Variants in MDN1 observed in about 807,000 individuals in gnomAD.
MDN1 encodes midasin.
Under a neutral mutation model 669.2 loss-of-function variants are expected in MDN1, and 266 were observed. That is an observed-to-expected ratio of 0.40 (90% CI 0.36 to 0.44). The LOEUF (loss-of-function observed/expected upper bound fraction) is 0.44. MDN1 is among the 20% of genes least tolerant of loss of function. The pLI, the probability that MDN1 is intolerant of heterozygous loss-of-function variation, is 1.00. For missense variants in MDN1, 5,940 were observed against 6,754.0 expected (o/e 0.88, Z 4.22); for synonymous variants, 2,385 against 2,457.1 (o/e 0.97, Z 0.87).
intron 59 of MDN1, among the ~76,000 whole-genome samples, chr6:89,696,922 G>T (rs1013807430): frequency 6.6e-6 from 1 of 152,120 alleles, no homozygotes; most frequent in South Asian, 2.1e-4. Context: ...AAGAGCCAGG[G>T]ACAAAATATG....
At chr6:89,772,766 C>T in intron 13 of MDN1, 45 bp from the exon 14 acceptor site, 1 of 1,596,324 alleles carries the variant, frequency 6.3e-7, no homozygotes, top group Non-Finnish European at 8.5e-7. Context: ...CTGCAAGCTT[C>T]TCCTAGTTTT....
In MDN1 at chr6:89,668,075, C is replaced by A; in HGVS notation, c.14033G>T (p.Gly4678Val). 1.2e-6 allele frequency: 2 copies of A among 1,614,138 alleles called. No homozygotes were observed. The highest frequency in any genetic ancestry group is 1.7e-5 in the Admixed American group (1 of 60,012). The change falls in exon 84 of 102, where the codon GGT becomes GTT. Residue 4678 changes from glycine (G) to valine (V), a missense_variant. By Grantham distance (109) the Gly-to-Val change is moderately radical. Transcript: ENST00000369393. The part of the protein sequence containing the change: ...GATEFHDYEG[G>V]GIGEGEGMKD... The stretch of plus-strand genomic sequence containing the variant: ...CATGCCCTCGCCTTCTCCAATTCCA[C>A]CTCCCTCATAGTCATGGAACTCAGT...
chr6:89,665,457 C>T (rs1458215149), intron 84 of MDN1, among the ~76,000 whole-genome samples: 1 of 152,032 alleles, frequency 6.6e-6, no homozygotes, highest in Non-Finnish European at 1.5e-5. Context: ...GCCTGTAATC[C>T]CAGCACTTTG....
At position 89,725,361 on chromosome 6, in the gene MDN1, G is replaced by A. The variant is rs1438933319; in HGVS notation, c.5508C>T (p.Leu1836=). The change falls in exon 38 of 102, where the codon CTC becomes CTT. Residue 1836 remains leucine (L), a synonymous_variant. Transcript: ENST00000369393. ...NLASQSVLEG[L]NACFDHRGEI... ...CTCCTCGGTGGTCAAAACAAGCATT[G>A]AGTCCTTCCAATACAGACTGAGAAG... 1.2e-6 allele frequency: 2 copies of A among 1,613,688 alleles called. No homozygotes were observed. The highest frequency in any genetic ancestry group is 4.5e-5 in the East Asian group (2 of 44,854).
At chr6:89,734,600 C>T (rs1815802746) in intron 33 of MDN1, among the ~76,000 whole-genome samples, 1 of 143,852 alleles carries the variant, frequency 7.0e-6, no homozygotes, top group Non-Finnish European at 1.5e-5. Flanking sequence ...GCAGAAGTTG[C>T]AGTGAGTCAA....
intron 88 of MDN1, among the ~76,000 whole-genome samples, chr6:89,659,707 G>C (rs1809584671): frequency 6.6e-6 from 1 of 152,142 alleles, no homozygotes; most frequent in African/African-American, 2.4e-5. Context: ...GGAAATGGCA[G>C]CTTAATGCTC....
chr6:89,690,141 G>A lies in MDN1; in HGVS notation c.10752C>T (p.Asp3584=). Residue 3584 remains aspartate, a splice_region_variant and synonymous_variant, in exon 65 of 102, where the codon GAC becomes GAT. Coordinates refer to ENST00000369393, the MANE Select transcript of MDN1 (RefSeq NM_014611.3). The part of the protein sequence containing the change: ...FRKQFPLHEK[D]FADILVQPTL... ...TTGGCTGCACCAAAATATCTGCAAA[G>A]TCCTATAAATAGCATTAGAGCAATT... is the stretch of plus-strand genomic sequence containing the variant. 2.5e-6 allele frequency: 4 copies of A among 1,613,940 alleles called. No homozygotes were observed. In the South Asian group the frequency reaches 3.3e-5, roughly 13 times the overall value.
chr6:89,701,844 A>C, intron 54 of MDN1, 60 bp downstream of exon 54: 1 of 1,560,068 alleles, frequency 6.4e-7, no homozygotes, highest in Non-Finnish European at 8.7e-7. Flanking sequence ...TCGGTTCCAA[A>C]TCTTATCCTT....
chr6:89,690,423 C>T (rs1173793187), intron 64 of MDN1, among the ~76,000 whole-genome samples: 1 of 151,846 alleles, frequency 6.6e-6, no homozygotes, highest in Non-Finnish European at 1.5e-5. Flanking sequence ...AATATAAAAA[C>T]GGCAGGGTGT....
intron 8 of MDN1, among the ~76,000 whole-genome samples, chr6:89,786,975 A>C (rs1267920336): frequency 6.6e-6 from 1 of 150,496 alleles, no homozygotes; most frequent in Non-Finnish European, 1.5e-5. Context: ...GCACAGTGGC[A>C]TGTGCCTGTA....
At chr6:89,742,426 C>T (rs1417131923) in intron 31 of MDN1, among the ~76,000 whole-genome samples, 1 of 69,006 alleles carries the variant, frequency 1.4e-5, no homozygotes, top group African/African-American at 7.6e-5. Context: ...AACAAACAAA[C>T]CCCTATCTTC....
Position 89,690,613 on chromosome 6 carries a change from G to C in MDN1, c.10749+60C>G. 15 of 1,573,614 alleles carry C rather than the reference G, an allele frequency of 9.5e-6. No homozygotes were observed. In the South Asian group the frequency reaches 1.7e-4, roughly 18 times the overall value. On this transcript the variant is annotated intron_variant, in intron 64 of 101. Coordinates refer to ENST00000369393, the MANE Select transcript of MDN1 (RefSeq NM_014611.3). ...AGAGGAAGAGAGAAAGCCATCAGAG[G>C]GAATGTATATGGCATCAAGGGAATT...
rs749549418 is a variant in MDN1 at position 89,716,672 on chromosome 6, T to C, written c.6721A>G (p.Met2241Val). 2.1e-5 allele frequency: 34 copies of C among 1,612,828 alleles called. No homozygotes were observed. The African/African-American group carries it at 4.4e-4, about 21-fold the overall frequency. Residue 2241 changes from methionine to valine, a missense_variant, in exon 44 of 102, where the codon ATG becomes GTG. Met to Val is a conservative substitution (Grantham distance 21). Around this residue, in one of 5 missense-constraint regions of MDN1, gnomAD observed 2,292 missense variants for 2,638.3 expected, o/e 0.87. Transcript: ENST00000369393. ...QALKSGDWLLMDNVNFCNPSV... is the reference protein window; with the variant it reads ...QALKSGDWLLVDNVNFCNPSV... ...TACTTGCAGAAGTTAACATTGTCCATCAGAAGCCAGTCTCCAGACTTCAGG... is the reference window on the plus strand; with the variant it reads ...TACTTGCAGAAGTTAACATTGTCCACCAGAAGCCAGTCTCCAGACTTCAGG...
chr6:89,747,502 C>A, intron 26 of MDN1, 32 bp from the exon 27 acceptor site: 2 of 1,600,208 alleles, frequency 1.2e-6, no homozygotes, highest in Non-Finnish European at 1.7e-6. Context: ...TGAAAAGGGG[C>A]ATCAGCTGCA....
chr6:89,778,203 T>TAAAA (rs71556528), intron 11 of MDN1, among the ~76,000 whole-genome samples: 1 of 136,828 alleles, frequency 7.3e-6, no homozygotes, highest in Admixed American at 7.4e-5. Flanking sequence ...TCTCAACTAA[T>TAAAA]AAAAAAAAAA....
At position 89,688,566 on chromosome 6, in the gene MDN1, GC is replaced by G. The variant is rs1812175346; in HGVS notation, c.11259+6del. On this transcript the variant is annotated splice_donor_region_variant and intron_variant, in intron 66 of 101. Transcript: ENST00000369393. ...TGTGAGCACTCCTTCCTCAACAGCT[GC>G]CCTACCTGTTCAAGCGCTGGGTGTT... The G allele has an allele frequency of 6.2e-7, 1 of 1,611,198 alleles. No homozygotes were observed. The highest frequency in any genetic ancestry group is 1.3e-5 in the African/African-American group (1 of 74,898).
Position 89,819,572 on chromosome 6 carries a change from C to T in MDN1, c.36G>A (p.Pro12=). The part of the protein sequence containing the change: ...EHFLLEVAAA[P]LRLIAAKNEK... ...CGTTCTTGGCTGCGATTAACCGCAG[C>T]GGCGCGGCTGCCACCTCCAGCAAGA... Residue 12 remains proline, a synonymous_variant, in exon 1 of 102, where the codon CCG becomes CCA. Coordinates refer to ENST00000369393, the MANE Select transcript of MDN1 (RefSeq NM_014611.3). The T allele has an allele frequency of 2.5e-6, 4 of 1,603,190 alleles. No individual in the cohort carries two copies. Among genetic ancestry groups the T allele is most frequent in the Non-Finnish European group, 1.7e-6 (2 of 1,179,956 alleles).
chr6:89,719,305 G>T, intron 40 of MDN1, 80 bp from the exon 41 acceptor site: 1 of 1,122,016 alleles, frequency 8.9e-7, no homozygotes, highest in Non-Finnish European at 1.3e-6. Context: ...AACAAGCACA[G>T]TGATAAGAGT....
chr6:89,706,498 A>C (rs1326380993), intron 52 of MDN1, among the ~76,000 whole-genome samples: 1 of 152,014 alleles, frequency 6.6e-6, no homozygotes, highest in Non-Finnish European at 1.5e-5. Flanking sequence ...CAATGTTTTT[A>C]ATAATTTTGT....
Sources: allele counts gnomAD v4.1 joint callset (sites outside exome capture counted in the v4.1 genomes callset), GRCh38; gene constraint gnomAD v4.1.1; regional missense constraint gnomAD v4.1.1; transcripts MANE v1.5; gene names NCBI Gene and HGNC (gene_info 2026-07-23, HGNC 2026-07-21).